Variants in SOX5 observed in about 807,000 individuals in gnomAD.
The protein encoded by SOX5 is SRY-box transcription factor 5, also known as transcription factor SOX-5.
A neutral mutation model predicts 92.0 loss-of-function variants in SOX5; 9 were observed. The observed-to-expected ratio is 0.10, with a 90% CI of 0.06 to 0.17. The LOEUF (loss-of-function observed/expected upper bound fraction) is 0.17, where lower values mean the gene tolerates loss of function less well. SOX5 is among the 10% of genes least tolerant of loss of function. SOX5 has a pLI of 1.00. For missense variants in SOX5, 642 were observed against 944.5 expected (o/e 0.68, Z 4.20); for synonymous variants, 344 against 336.3 (o/e 1.02, Z -0.25).
chr12:23,991,093 T>A (rs1418032625), intron 4 of SOX5, among the ~76,000 whole-genome samples: 6 of 151,158 alleles, frequency 4.0e-5, no homozygotes, highest in African/African-American at 1.5e-4. Flanking sequence ...GTGTCTCATG[T>A]CTATAATCCC....
At chr12:24,476,748 C>T (rs965407555) in intron 1 of SOX5, among the ~76,000 whole-genome samples, 2 of 152,114 alleles carry the variant, frequency 1.3e-5, no homozygotes, top group African/African-American at 4.8e-5. Flanking sequence ...TGTTTATTCA[C>T]CTCTGTTTGG....
intron 2 of SOX5, among the ~76,000 whole-genome samples, chr12:24,347,992 C>T (rs765256371): frequency 1.5e-4 from 19 of 126,470 alleles, no homozygotes; most frequent in East Asian, 7.1e-4. Flanking sequence ...CCAAGACAGA[C>T]GGATATAAAG....
intron 1 of SOX5, among the ~76,000 whole-genome samples, chr12:24,500,288 G>A (rs145837348): frequency 1.9e-3 from 293 of 152,090 alleles, no homozygotes; most frequent in Non-Finnish European, 3.3e-3. Context: ...GAATTAGCCC[G>A]TTCTTGTTTA....
intron 8 of SOX5, among the ~76,000 whole-genome samples, chr12:23,613,175 C>T (rs1173368966): frequency 3.3e-5 from 5 of 151,938 alleles, no homozygotes; most frequent in African/African-American, 1.2e-4. Flanking sequence ...ACTCACATGT[C>T]GAAGGTATAA....
intron 7 of SOX5, among the ~76,000 whole-genome samples, chr12:23,659,164 C>T (rs897631876): frequency 2.0e-5 from 3 of 152,056 alleles, no homozygotes; most frequent in Non-Finnish European, 2.9e-5. Context: ...TCCTAAAATG[C>T]CAGACACGTG....
intron 2 of SOX5, among the ~76,000 whole-genome samples, chr12:24,336,075 T>G (rs945913094): frequency 2.0e-5 from 3 of 146,964 alleles, no homozygotes; most frequent in Admixed American, 6.9e-5. Flanking sequence ...GGGGATACGT[T>G]TTTTTTGTGT....
chr12:23,605,043 A>ACTT (rs2075070125), intron 8 of SOX5, among the ~76,000 whole-genome samples: 2 of 151,074 alleles, frequency 1.3e-5, no homozygotes, highest in Non-Finnish European at 3.0e-5. Flanking sequence ...GGAAAAAAGT[A>ACTT]CTTGAAGAAG....
At chr12:24,007,068 G>A (rs1219086723) in intron 4 of SOX5, among the ~76,000 whole-genome samples, 1 of 148,100 alleles carries the variant, frequency 6.8e-6, no homozygotes, top group African/African-American at 2.5e-5. Context: ...AGGAGGTGGA[G>A]GTTGCAGTGA....
chr12:24,222,676 T>C (rs982019281), intron 3 of SOX5, among the ~76,000 whole-genome samples: 1 of 152,102 alleles, frequency 6.6e-6, no homozygotes, highest in Non-Finnish European at 1.5e-5. Flanking sequence ...TTAGAGCATG[T>C]TTTGGGAGGG....
chr12:23,693,163 C>A (rs1432582843), intron 6 of SOX5, among the ~76,000 whole-genome samples: 6 of 152,062 alleles, frequency 3.9e-5, no homozygotes. Context: ...CACTGTGTTG[C>A]CCAGGCTGGA....
intron 6 of SOX5, among the ~76,000 whole-genome samples, chr12:23,728,371 A>T (rs2093248639): frequency 6.6e-6 from 1 of 152,182 alleles, no homozygotes; most frequent in South Asian, 2.1e-4. Flanking sequence ...TGGCATTTGC[A>T]GTCTCCAAAA....
intron 3 of SOX5, among the ~76,000 whole-genome samples, chr12:23,796,073 A>G (rs2142049696): frequency 6.6e-6 from 1 of 152,272 alleles, no homozygotes; most frequent in Middle Eastern, 3.4e-3. Flanking sequence ...ATTGATACCC[A>G]ATCTTTTAAA....
chr12:23,601,338 CT>C (rs2074470350), intron 9 of SOX5, among the ~76,000 whole-genome samples: 1 of 152,120 alleles, frequency 6.6e-6, no homozygotes, highest in Non-Finnish European at 1.5e-5. Flanking sequence ...GGCAATACAA[CT>C]CAGAGAACAT....
At chr12:24,061,716 A>T (rs1398441023) in intron 4 of SOX5, among the ~76,000 whole-genome samples, 1 of 148,922 alleles carries the variant, frequency 6.7e-6, no homozygotes, top group Non-Finnish European at 1.5e-5. Context: ...TTACATGATC[A>T]CCATATACCT....
chr12:23,531,117 A>G lies in SOX5; in HGVS notation c.*3102T>C, dbSNP rs1015444830. 7.2e-5 allele frequency: 11 copies of G among 152,278 alleles called. No homozygotes were observed. The highest frequency in any genetic ancestry group is 3.4e-3 in the Middle Eastern group (1 of 294). 9.4% of individuals were successfully genotyped at this position (152,278 alleles called of 1,614,324 possible). On this transcript the variant is annotated 3_prime_UTR_variant, in exon 15 of 15. Coordinates refer to ENST00000451604, the MANE Select transcript of SOX5 (RefSeq NM_006940.6). ...TGACTTCAAAGCACTTTCAACATTA[A>G]TATAACTATTTTTGCTTTTGTTTTC... is the stretch of plus-strand genomic sequence containing the variant.
At chr12:23,659,445 C>A (rs1260842652) in intron 7 of SOX5, among the ~76,000 whole-genome samples, 1 of 152,156 alleles carries the variant, frequency 6.6e-6, no homozygotes, top group Non-Finnish European at 1.5e-5. Context: ...TCATCGACTT[C>A]TATTTATTTA....
chr12:24,042,148 C>G (rs1269856386), intron 4 of SOX5, among the ~76,000 whole-genome samples: 1 of 151,778 alleles, frequency 6.6e-6, no homozygotes, highest in Admixed American at 6.6e-5. Flanking sequence ...TTAGTGCAGA[C>G]CTGAATACAT....
intron 1 of SOX5, among the ~76,000 whole-genome samples, chr12:24,425,773 C>A (rs548122010): frequency 3.9e-5 from 6 of 152,276 alleles, no homozygotes; most frequent in African/African-American, 1.2e-4. Flanking sequence ...ATGAGTCAGA[C>A]ATTTGGTCCA....
intron 9 of SOX5, among the ~76,000 whole-genome samples, chr12:23,579,939 T>C (rs1949806477): frequency 6.6e-6 from 1 of 152,118 alleles, no homozygotes; most frequent in African/African-American, 2.4e-5. Flanking sequence ...ATTGGAACTT[T>C]TGAAAATAAC....
Sources: allele counts gnomAD v4.1 joint callset (sites outside exome capture counted in the v4.1 genomes callset), GRCh38; gene constraint gnomAD v4.1.1; transcripts MANE v1.5; gene names NCBI Gene and HGNC (gene_info 2026-07-23, HGNC 2026-07-21).